Variants in SCLT1 observed in about 807,000 individuals in gnomAD.
SCLT1 encodes the protein sodium channel-associated protein 1.
A neutral mutation model predicts 112.8 loss-of-function variants in SCLT1; 78 were observed. The observed-to-expected ratio is 0.69, with a 90% confidence interval of 0.58 to 0.83. The LOEUF (loss-of-function observed/expected upper bound fraction) is 0.83, where lower values mean the gene tolerates loss of function less well. Among genes scored for constraint, SCLT1 ranks in the 40% least tolerant of loss-of-function variants. The pLI is 0.00. For synonymous variants in SCLT1, 257 were observed against 254.7 expected (o/e 1.01, Z -0.09); for missense variants, 747 against 770.4 (o/e 0.97, Z 0.36).
At chr4:128,943,337 AATGTT>A (rs1737871910) in intron 16 of SCLT1, 149 bp from the exon 17 acceptor site, 1 of 569,754 alleles carries the variant, frequency 1.8e-6, no homozygotes, top group Non-Finnish European at 3.0e-6. Context: ...GTGGTTTCAA[AATGTT>A]ATGTTATACC....
At chr4:128,973,486 G>A (rs1291600706) in intron 9 of SCLT1, among the ~76,000 whole-genome samples, 1 of 150,866 alleles carries the variant, frequency 6.6e-6, no homozygotes, top group Non-Finnish European at 1.5e-5. Context: ...GGGAGGGAGA[G>A]AGGGAGAGGG....
intron 2 of SCLT1, among the ~76,000 whole-genome samples, chr4:129,059,637 T>C (rs577392512): frequency 6.6e-6 from 1 of 152,312 alleles, no homozygotes; most frequent in South Asian, 2.1e-4. Flanking sequence ...ATAGTATTCT[T>C]GGCTGATATT....
chr4:128,873,262 AAAAAAAAAAAGAAAAAAAG>A (rs1305816634), intron 5 of SCLT1: 1 of 149,604 alleles, frequency 6.7e-6, no homozygotes, highest in Non-Finnish European at 1.5e-5. Context: ...AAAGGAAAAA[AAAAAAAAAAAGAAAAAAAG>A]AAAAAAAAAA....
chr4:128,878,448 T>C (rs182365450), intron 3 of SCLT1, among the ~76,000 whole-genome samples: 1 of 152,318 alleles, frequency 6.6e-6, no homozygotes, highest in East Asian at 1.9e-4. Flanking sequence ...TCCCTTCCCA[T>C]GCAACAGTTT....
chr4:128,995,034 C>T (rs1316095654), intron 8 of SCLT1, among the ~76,000 whole-genome samples: 1 of 152,068 alleles, frequency 6.6e-6, no homozygotes. Flanking sequence ...TTGATGCAGT[C>T]CCACTTGATT....
intron 2 of SCLT1, among the ~76,000 whole-genome samples, chr4:129,080,503 C>T (rs1751844619): frequency 6.6e-6 from 1 of 152,222 alleles, no homozygotes; most frequent in South Asian, 2.1e-4. Context: ...TCTCTTTCTA[C>T]AACATGGCAA....
intron 5 of SCLT1, among the ~76,000 whole-genome samples, chr4:129,035,737 T>C (rs1277602016): frequency 6.6e-6 from 1 of 152,022 alleles, no homozygotes; most frequent in Non-Finnish European, 1.5e-5. Flanking sequence ...GAAAAAATAG[T>C]ATTGAGAAAG....
chr4:129,024,641 A>C (rs866354323), intron 5 of SCLT1, among the ~76,000 whole-genome samples: 13 of 151,438 alleles, frequency 8.6e-5, no homozygotes, highest in Admixed American at 2.6e-4. Context: ...AAGCAGAGCG[A>C]CTCTCCTCCT....
intron 9 of SCLT1, among the ~76,000 whole-genome samples, chr4:128,984,582 T>G (rs565757245): frequency 6.6e-6 from 1 of 152,318 alleles, no homozygotes; most frequent in East Asian, 1.9e-4. Flanking sequence ...TTTTTTTATA[T>G]GCATTTTTAT....
intron 1 of SCLT1, among the ~76,000 whole-genome samples, chr4:129,084,148 T>C (rs1752194168): frequency 6.6e-6 from 1 of 152,188 alleles, no homozygotes; most frequent in Non-Finnish European, 1.5e-5. Context: ...GATAAATTCT[T>C]ATGACATTTA....
chr4:128,888,943 T>C (rs1733099959), intron 19 of SCLT1, among the ~76,000 whole-genome samples, 169 bp from the exon 20 acceptor site: 1 of 152,224 alleles, frequency 6.6e-6, no homozygotes, highest in Non-Finnish European at 1.5e-5. Flanking sequence ...ACAAACTTTG[T>C]TTTACATTCT....
chr4:128,976,291 T>C (rs1741170046), intron 9 of SCLT1, among the ~76,000 whole-genome samples: 1 of 152,238 alleles, frequency 6.6e-6, no homozygotes, highest in South Asian at 2.1e-4. Flanking sequence ...GGGATTCTGA[T>C]GTATATTCAC....
At position 128,936,613 on chromosome 4, in the gene SCLT1, T is replaced by C. The variant is rs756936381; in HGVS notation, c.1829+42A>G. 1.4e-5 allele frequency: 18 copies of C among 1,269,050 alleles called. No homozygotes were observed. In the South Asian group the frequency reaches 2.6e-4, roughly 18 times the overall value. 78.6% of individuals were successfully genotyped at this position (1,269,050 alleles called of 1,614,324 possible). ...GGACATTAAACTATAGGTTAAAGAA[T>C]TTCTTCTGTAAAACATGTCAAACAA... On this transcript the variant is annotated intron_variant, in intron 18 of 20. Coordinates refer to ENST00000281142, the MANE Select transcript of SCLT1 (RefSeq NM_144643.4).
At position 129,003,814 on chromosome 4, in the gene SCLT1, T is replaced by C; in HGVS notation, c.353A>G (p.Glu118Gly). 6.2e-7 allele frequency: 1 copy of C among 1,612,430 alleles called. No individual in the cohort carries two copies. Among genetic ancestry groups the C allele is most frequent in the Non-Finnish European group, 8.5e-7 (1 of 1,178,976 alleles). Residue 118 changes from glutamate to glycine, a missense_variant, in exon 6 of 21, where the codon GAG becomes GGG. By Grantham distance (98) the Glu-to-Gly change is moderately conservative (BLOSUM62 -2). This residue lies in a region of SCLT1 where 723 missense variants were observed against 721.3 expected (regional missense o/e 1.00). Coordinates refer to ENST00000281142, the MANE Select transcript of SCLT1 (RefSeq NM_144643.4). ...KKLEAFPLGTEVGTDIYADDE... is the reference protein window; with the variant it reads ...KKLEAFPLGTGVGTDIYADDE... ...ATCTGCATATATGTCAGTTCCTACC[T>C]CTGTGCCCAGGGGAAAGGCCTCCAA... is the stretch of plus-strand genomic sequence containing the variant.
chr4:129,039,081 T>C lies in SCLT1; in HGVS notation c.250A>G (p.Met84Val), dbSNP rs1462401617. The change falls in exon 5 of 21, where the codon ATG (methionine) becomes GTG (valine). Residue 84 changes from methionine to valine, a missense_variant. Around this residue, in one of 2 missense-constraint regions of SCLT1, gnomAD observed 723 missense variants for 721.3 expected, o/e 1.00. Coordinates refer to ENST00000281142, the MANE Select transcript of SCLT1 (RefSeq NM_144643.4). ...LKYYQKQVGEMKLQLENVIKE... is the reference protein window; with the variant it reads ...LKYYQKQVGEVKLQLENVIKE... Reference sequence around the variant, plus strand: ...ATGACATTTTCAAGTTGTAATTTCATCTCACCCACCTGTTTCTGAAAGAAT... The same window carrying C: ...ATGACATTTTCAAGTTGTAATTTCACCTCACCCACCTGTTTCTGAAAGAAT... The C allele has an allele frequency of 6.3e-7, 1 of 1,598,652 alleles. No homozygotes were observed. The highest frequency in any genetic ancestry group is 8.6e-7 in the Non-Finnish European group (1 of 1,166,436).
At chr4:128,984,944 CAT>C (rs1579597452) in intron 9 of SCLT1, among the ~76,000 whole-genome samples, 1 of 151,998 alleles carries the variant, frequency 6.6e-6, no homozygotes, top group East Asian at 1.9e-4. Flanking sequence ...TTATTACAAG[CAT>C]ATGTTTTATG....
chr4:128,897,729 A>T (rs1733898406), intron 18 of SCLT1, among the ~76,000 whole-genome samples: 1 of 152,214 alleles, frequency 6.6e-6, no homozygotes, highest in Non-Finnish European at 1.5e-5. Context: ...CAGGCTGGCA[A>T]ATTGGATAAA....
chr4:129,010,794 GTTGT>G (rs1283480069), intron 5 of SCLT1, among the ~76,000 whole-genome samples: 2 of 152,198 alleles, frequency 1.3e-5, no homozygotes, highest in East Asian at 1.9e-4. Context: ...ATTTGCTGAA[GTTGT>G]TTGTCAGTTT....
chr4:129,089,821 C>T (rs1006708068), intron 1 of SCLT1, among the ~76,000 whole-genome samples: 7 of 151,954 alleles, frequency 4.6e-5, no homozygotes, highest in African/African-American at 9.7e-5. Flanking sequence ...AAGGAGAACA[C>T]GTGGACACAG....
Sources: allele counts gnomAD v4.1 joint callset (sites outside exome capture counted in the v4.1 genomes callset), GRCh38; gene constraint gnomAD v4.1.1; regional missense constraint gnomAD v4.1.1; transcripts MANE v1.5; gene names NCBI Gene and HGNC (gene_info 2026-07-23, HGNC 2026-07-21).